SCGB2B2: variants seen among roughly 807,000 people sequenced by gnomAD.
SCGB2B2 encodes the protein secretoglobin family 2B member 2, also known as secretoglobin-like protein.
SCGB2B2 carries 11 observed loss-of-function variants against 7.6 expected under a neutral mutation model. The ratio of observed to expected loss-of-function variants is 1.45; its 90% CI spans 0.91 to 2.40. SCGB2B2 has a LOEUF of 2.40. Among genes scored for constraint, SCGB2B2 ranks in the 30% most tolerant of loss-of-function variants. The pLI is 0.00. For missense variants in SCGB2B2, 104 were observed against 115.4 expected (o/e 0.90, Z 0.45); for synonymous variants, 50 against 48.6 (o/e 1.03, Z -0.12).
In SCGB2B2 at chr19:34,675,759, C is replaced by A. The variant is rs1022157607; in HGVS notation, c.-2161G>T. 2.0e-5 allele frequency: 3 copies of A among 152,548 alleles called. No individual in the cohort carries two copies. The highest frequency in any genetic ancestry group is 4.8e-5 in the African/African-American group (2 of 41,320). The allele number at this position is 152,548 out of a possible 1,614,324, so 9.4% of individuals were successfully genotyped here. A position where few individuals can be genotyped will look rare whatever the true frequency, so the allele number is the denominator to read the frequency against. The stretch of plus-strand genomic sequence containing the variant: ...TGTGTTACAGCTCATAAAGGCGGTG[C>A]GTCTGGAGTCGTGCTGGAGTTGTTT... On this transcript the variant is annotated 5_prime_UTR_variant, in exon 1 of 4. Transcript: ENST00000601241.
chr19:34,629,345 T>C (rs1435794457), intron 1 of SCGB2B2, among the ~76,000 whole-genome samples: 1 of 151,992 alleles, frequency 6.6e-6, no homozygotes, highest in African/African-American at 2.4e-5. Context: ...TGTTTGCAGA[T>C]GACATGATTG....
At chr19:34,649,113 G>A (rs551140192) in intron 1 of SCGB2B2, among the ~76,000 whole-genome samples, 43 of 152,174 alleles carry the variant, frequency 2.8e-4, no homozygotes, top group African/African-American at 1.0e-3. Flanking sequence ...TCACCATGTT[G>A]GCCAGGCTGG....
chr19:34,644,204 A>C (rs1200140450), intron 1 of SCGB2B2, among the ~76,000 whole-genome samples: 1 of 152,110 alleles, frequency 6.6e-6, no homozygotes, highest in African/African-American at 2.4e-5. Flanking sequence ...CCTAAAATAA[A>C]AATTTTGTTT....
At chr19:34,631,497 A>C (rs545420061) in intron 1 of SCGB2B2, among the ~76,000 whole-genome samples, 7 of 152,296 alleles carry the variant, frequency 4.6e-5, no homozygotes, top group African/African-American at 1.4e-4. Flanking sequence ...AACAATGACT[A>C]ATTTAAAATT....
intron 1 of SCGB2B2, among the ~76,000 whole-genome samples, chr19:34,616,458 C>A (rs1473555427): frequency 9.1e-3 from 870 of 95,794 alleles, no homozygotes; most frequent in Non-Finnish European, 0.013. Flanking sequence ...AGCATTTTTT[C>A]ATGTGTTTTT....
chr19:34,658,813 CAA>C (rs138363297), intron 1 of SCGB2B2, among the ~76,000 whole-genome samples: 51 of 101,990 alleles, frequency 5.0e-4, no homozygotes, highest in African/African-American at 2.2e-3. Flanking sequence ...ACAACAACAA[CAA>C]AAAAAAAAAA....
chr19:34,634,731 CTAAA>C (rs755818893), intron 1 of SCGB2B2: 2 of 157,946 alleles, frequency 1.3e-5, no homozygotes, highest in African/African-American at 2.4e-5. Flanking sequence ...GGACTTGTGG[CTAAA>C]TAATTTCCTA....
intron 1 of SCGB2B2, among the ~76,000 whole-genome samples, chr19:34,661,000 C>T (rs1047889347): frequency 2.0e-5 from 3 of 152,092 alleles, no homozygotes; most frequent in Non-Finnish European, 4.4e-5. Flanking sequence ...TGGAAACCAT[C>T]ATTCTCAGCA....
At chr19:34,630,794 G>C (rs888553495) in intron 1 of SCGB2B2, among the ~76,000 whole-genome samples, 4 of 152,002 alleles carry the variant, frequency 2.6e-5, no homozygotes, top group African/African-American at 9.7e-5. Context: ...AAATCATGCT[G>C]CTATAAAGAC....
intron 1 of SCGB2B2, among the ~76,000 whole-genome samples, chr19:34,666,060 C>T (rs113853100): frequency 0.016 from 2,410 of 152,232 alleles, 43 homozygotes; most frequent in South Asian, 0.084. Flanking sequence ...GTCTCCCAGC[C>T]TCTCTCCCCA....
downstream of SCGB2B2, among the ~76,000 whole-genome samples, chr19:34,587,648 T>C (rs1054515896): frequency 2.0e-5 from 3 of 152,240 alleles, no homozygotes; most frequent in Non-Finnish European, 4.4e-5. Context: ...CTATTCACTA[T>C]GATGTGAATA....
chr19:34,622,759 G>A (rs998764575), intron 1 of SCGB2B2, among the ~76,000 whole-genome samples: 23 of 152,046 alleles, frequency 1.5e-4, no homozygotes, highest in Non-Finnish European at 2.9e-5. Flanking sequence ...CTTTGGACAC[G>A]GCCTGTTTTT....
chr19:34,648,061 C>T (rs1568440063), intron 1 of SCGB2B2, among the ~76,000 whole-genome samples: 1 of 152,114 alleles, frequency 6.6e-6, no homozygotes, highest in Non-Finnish European at 1.5e-5. Context: ...CGATGCCACT[C>T]CTGAGAGGTG....
At chr19:34,650,123 C>G (rs532367303) in intron 1 of SCGB2B2, among the ~76,000 whole-genome samples, 1 of 151,494 alleles carries the variant, frequency 6.6e-6, no homozygotes, top group South Asian at 2.1e-4. Context: ...GACAGAAAAT[C>G]TAGCGAGAGA....
At chr19:34,600,625 G>C (rs2065596274) in intron 1 of SCGB2B2, among the ~76,000 whole-genome samples, 1 of 152,128 alleles carries the variant, frequency 6.6e-6, no homozygotes, top group African/African-American at 2.4e-5. Flanking sequence ...TGCATTTTCT[G>C]GTGTAATGAG....
intron 1 of SCGB2B2, among the ~76,000 whole-genome samples, chr19:34,629,035 T>C (rs2066456222): frequency 6.6e-6 from 1 of 151,884 alleles, no homozygotes; most frequent in Non-Finnish European, 1.5e-5. Flanking sequence ...ATTATCTCAA[T>C]AGATGCAGAA....
At chr19:34,608,738 T>C (rs1332875138) in intron 1 of SCGB2B2, 1 of 147,002 alleles carries the variant, frequency 6.8e-6, no homozygotes, top group African/African-American at 2.5e-5. Flanking sequence ...TTGAGTCAAA[T>C]CTTGGCTGTG....
In SCGB2B2 at chr19:34,593,043, C is replaced by T. The variant is rs571973497; in HGVS notation, c.*512G>A. 9.2e-5 allele frequency among the ~76,000 whole-genome samples: 14 copies of T among 152,296 alleles called. No individual in the cohort carries two copies. Among genetic ancestry groups the T allele is most frequent in the African/African-American group, 3.4e-4 (14 of 41,568 alleles). ...TGGGTTCCGAAAACAGGCATATCGA[C>T]TGGACACAGTGGCTCATGCCTCTAA... On this transcript the variant is annotated 3_prime_UTR_variant, in exon 4 of 4. Coordinates refer to ENST00000601241, the MANE Select transcript of SCGB2B2 (RefSeq NM_001025591.4).
intron 1 of SCGB2B2, among the ~76,000 whole-genome samples, chr19:34,625,916 C>T (rs2066363274): frequency 6.6e-6 from 1 of 152,178 alleles, no homozygotes; most frequent in South Asian, 2.1e-4. Flanking sequence ...TCCTCTGAGA[C>T]AAAACTTTCA....
Sources: allele counts gnomAD v4.1 joint callset (sites outside exome capture counted in the v4.1 genomes callset), GRCh38; gene constraint gnomAD v4.1.1; transcripts MANE v1.5; gene names NCBI Gene and HGNC (gene_info 2026-07-23, HGNC 2026-07-21).